The following DNAJC1 variants were observed in gnomAD, a reference collection of about 807,000 sequenced individuals.
The protein encoded by DNAJC1 is DnaJ heat shock protein family (Hsp40) member C1.
Under a neutral mutation model 76.6 loss-of-function variants are expected in DNAJC1, and 58 were observed. The ratio of observed to expected loss-of-function variants is 0.76; its 90% confidence interval spans 0.61 to 0.94. The LOEUF (loss-of-function observed/expected upper bound fraction) is 0.94. Among genes scored for constraint, DNAJC1 ranks in the 40% least tolerant of loss-of-function variants. The pLI, the probability that DNAJC1 is intolerant of heterozygous loss-of-function variation, is 0.00. For synonymous variants in DNAJC1, 258 were observed against 267.9 expected, an observed-to-expected ratio of 0.96 and a Z score of 0.36; for missense variants, 689 against 677.3, an observed-to-expected ratio of 1.02 and a Z score of -0.19.
intron 9 of DNAJC1, among the ~76,000 whole-genome samples, chr10:21,782,081 T>C (rs970939750): frequency 3.9e-5 from 6 of 152,078 alleles, no homozygotes; most frequent in African/African-American, 1.4e-4. Context: ...CAAAAAATCC[T>C]TCAAAAAAAT....
rs1388835119 is a variant in DNAJC1, at chr10:21,861,529, G to A, written c.978+20753C>T. Among the ~76,000 whole-genome samples, 4 of 152,156 alleles carry A rather than the reference G, an allele frequency of 2.6e-5. No individual in the cohort carries two copies. The South Asian group carries it at 8.3e-4, about 32-fold the overall frequency. ...GGATAAAATGAGGCTGAGACCTACT[G>A]GGCTGCATTCCCAGACAGTTAAGGC... On this transcript the variant is annotated intron_variant, in intron 8 of 11. Transcript: ENST00000376980.
chr10:21,893,875 TAAAC>T (rs1836496100), intron 7 of DNAJC1, among the ~76,000 whole-genome samples: 1 of 151,454 alleles, frequency 6.6e-6, no homozygotes, highest in Non-Finnish European at 1.5e-5. Flanking sequence ...GAAAATCAAT[TAAAC>T]AAAGAACTGA....
In DNAJC1 at chr10:21,908,327, C is replaced by T. The variant is rs574830051; in HGVS notation, c.730-3715G>A. 7.6e-5 allele frequency among the ~76,000 whole-genome samples: 10 copies of T among 130,828 alleles called. No individual in the cohort carries two copies. The East Asian group carries it at 1.5e-3, about 20-fold the overall frequency. The allele number at this position is 130,828 out of a possible 152,430, so 85.8% of individuals were successfully genotyped here. On this transcript the variant is annotated intron_variant, in intron 6 of 11. Transcript: ENST00000376980. ...AATTAAAATTACCTGAAAATGAAAT[C>T]GGCTGATTTTGGAGATAGTATTCAA... is the stretch of plus-strand genomic sequence containing the variant.
intron 9 of DNAJC1, among the ~76,000 whole-genome samples, chr10:21,773,691 A>G (rs1834417407): frequency 6.6e-6 from 1 of 152,192 alleles, no homozygotes; most frequent in South Asian, 2.1e-4. Flanking sequence ...TCTTCCTTCA[A>G]TTCTGTCAGT....
chr10:21,816,881 G>A (rs1382114751), intron 8 of DNAJC1, among the ~76,000 whole-genome samples: 34 of 144,104 alleles, frequency 2.4e-4, no homozygotes, highest in Admixed American at 8.8e-4. Flanking sequence ...AATGCCGGGC[G>A]CGGTGGCTCA....
chr10:21,928,438 CTT>C (rs1837165031), intron 3 of DNAJC1, 66 bp downstream of exon 3: 2 of 1,345,346 alleles, frequency 1.5e-6, no homozygotes, highest in South Asian at 2.5e-5. Flanking sequence ...TTTAAGAAGA[CTT>C]AATTCTTTAT....
chr10:21,877,138 G>A (rs1204155474), intron 8 of DNAJC1, among the ~76,000 whole-genome samples: 5 of 152,056 alleles, frequency 3.3e-5, no homozygotes, highest in Non-Finnish European at 7.4e-5. Context: ...GCCGGGTGTG[G>A]TGGTGTATGC....
intron 9 of DNAJC1, among the ~76,000 whole-genome samples, chr10:21,800,061 T>C (rs1834797159): frequency 6.6e-6 from 1 of 152,280 alleles, no homozygotes; most frequent in South Asian, 2.1e-4. Flanking sequence ...TTTGAGAGAC[T>C]CTTACAAAGT....
At chr10:21,877,321 T>C (rs1276953470) in intron 8 of DNAJC1, among the ~76,000 whole-genome samples, 3 of 151,104 alleles carry the variant, frequency 2.0e-5, no homozygotes, top group Non-Finnish European at 4.4e-5. Flanking sequence ...TATTTGAACA[T>C]AGAAAACACC....
chr10:21,857,521 T>C (rs1666717826), intron 8 of DNAJC1, among the ~76,000 whole-genome samples: 1 of 151,942 alleles, frequency 6.6e-6, no homozygotes, highest in South Asian at 2.1e-4. Context: ...TGGGGTTCTA[T>C]GTAAAATGTC....
chr10:21,795,854 T>TA (rs966972527), intron 9 of DNAJC1, among the ~76,000 whole-genome samples: 2 of 152,230 alleles, frequency 1.3e-5, no homozygotes, highest in African/African-American at 4.8e-5. Flanking sequence ...CTGGTTATTT[T>TA]AGATAACTCA....
intron 8 of DNAJC1, among the ~76,000 whole-genome samples, chr10:21,813,220 C>CTCTCTATATA (rs1438462566): frequency 5.2e-4 from 10 of 19,086 alleles, no homozygotes; most frequent in South Asian, 2.5e-3. Flanking sequence ...CTCTCTCTCT[C>CTCTCTATATA]TATATATATA....
At chr10:21,873,887 A>G (rs1836144409) in intron 8 of DNAJC1, among the ~76,000 whole-genome samples, 1 of 152,232 alleles carries the variant, frequency 6.6e-6, no homozygotes. Flanking sequence ...GCAGTGGAAC[A>G]GGGGCAAAGT....
chr10:21,915,660 C>T lies in DNAJC1; in HGVS notation c.729+3119G>A, dbSNP rs891530449. Among the ~76,000 whole-genome samples, 3 of 152,178 alleles carry T rather than the reference C, an allele frequency of 2.0e-5. No homozygotes were observed. The South Asian group carries it at 6.2e-4, about 32-fold the overall frequency. ...CTGCGTGTGTTAACTCTTAAACCTCCTAGTGGTAGTTATACTTGTTATTCT... is the reference window on the plus strand; with the variant it reads ...CTGCGTGTGTTAACTCTTAAACCTCTTAGTGGTAGTTATACTTGTTATTCT... On this transcript the variant is annotated intron_variant, in intron 6 of 11. Transcript: ENST00000376980.
At chr10:21,960,377 T>A (rs1430241735) in intron 1 of DNAJC1, among the ~76,000 whole-genome samples, 1 of 152,046 alleles carries the variant, frequency 6.6e-6, no homozygotes, top group East Asian at 1.9e-4. Context: ...AATTCGGGAA[T>A]AAAAACATGT....
intron 9 of DNAJC1, among the ~76,000 whole-genome samples, chr10:21,786,459 TATATAGAGAGAGAGAGAGAG>T (rs1834611169): frequency 2.7e-5 from 1 of 37,724 alleles, no homozygotes; most frequent in African/African-American, 9.1e-5. Context: ...TATATATATA[TATATAGAGAGAGAGAGAGAG>T]AGAGAGAGAG....
intron 1 of DNAJC1, among the ~76,000 whole-genome samples, chr10:21,965,979 G>A (rs1342194796): frequency 6.6e-6 from 1 of 152,052 alleles, no homozygotes; most frequent in South Asian, 2.1e-4. Context: ...ACTGCATTTG[G>A]TTTTCAGATC....
chr10:21,961,411 G>A (rs1365975237), intron 1 of DNAJC1, among the ~76,000 whole-genome samples: 1 of 152,218 alleles, frequency 6.6e-6, no homozygotes, highest in East Asian at 1.9e-4. Context: ...TTGAGGTACT[G>A]ACACACACTA....
intron 8 of DNAJC1, among the ~76,000 whole-genome samples, chr10:21,857,377 T>C (rs371172745): frequency 2.6e-5 from 4 of 152,110 alleles, no homozygotes; most frequent in African/African-American, 9.7e-5. Context: ...AGGGAAGACA[T>C]GTTTCTTGGA....
Sources: allele counts gnomAD v4.1 joint callset (sites outside exome capture counted in the v4.1 genomes callset), GRCh38; gene constraint gnomAD v4.1.1; transcripts MANE v1.5; gene names NCBI Gene and HGNC (gene_info 2026-07-23, HGNC 2026-07-21).